DCC: variants seen among roughly 807,000 people sequenced by gnomAD.
The protein encoded by DCC is DCC netrin 1 receptor.
A neutral mutation model predicts 172.5 loss-of-function variants in DCC; 58 were observed. That is an observed-to-expected ratio of 0.34 (90% CI 0.27 to 0.42). The LOEUF is 0.42. Ranked by LOEUF, DCC falls within the 10% of genes least tolerant of loss-of-function variation. The probability of loss-of-function intolerance (pLI) is 1.00; values close to 1 mark genes in which losing one functional copy is unlikely to be tolerated. For synonymous variants in DCC, 709 were observed against 644.5 expected (o/e 1.10, Z -1.52); for missense variants, 1,740 against 1,791.0 (o/e 0.97, Z 0.51).
At chr18:53,123,193 A>C (rs2043506889) in intron 7 of DCC, among the ~76,000 whole-genome samples, 1 of 152,074 alleles carries the variant, frequency 6.6e-6, no homozygotes, top group Admixed American at 6.6e-5. Flanking sequence ...GGTACTAGGA[A>C]AATATGTAAC....
At chr18:53,023,613 G>A (rs1415318430) in intron 5 of DCC, among the ~76,000 whole-genome samples, 5 of 151,892 alleles carry the variant, frequency 3.3e-5, no homozygotes, top group African/African-American at 7.2e-5. Flanking sequence ...GGACCCTGTC[G>A]CCAGGCAAAA....
chr18:53,498,082 C>G (rs1351081069), intron 26 of DCC, among the ~76,000 whole-genome samples: 1 of 152,206 alleles, frequency 6.6e-6, no homozygotes, highest in Non-Finnish European at 1.5e-5. Flanking sequence ...CCTCTAACCC[C>G]TTCTGAATAT....
chr18:53,285,984 A>C (rs927875705), intron 12 of DCC, among the ~76,000 whole-genome samples: 1 of 152,180 alleles, frequency 6.6e-6, no homozygotes, highest in African/African-American at 2.4e-5. Flanking sequence ...GGCTGCATTT[A>C]CCTAATGCCT....
At chr18:52,353,573 G>T (rs34991847) in intron 1 of DCC, among the ~76,000 whole-genome samples, 35,346 of 152,238 alleles carry the variant, frequency 0.23, 4,791 homozygotes, top group Non-Finnish European at 0.31. Flanking sequence ...GTGCTCATTT[G>T]CCTGAGCCTC....
At chr18:52,506,451 G>A (rs1050213755) in intron 1 of DCC, among the ~76,000 whole-genome samples, 8 of 151,982 alleles carry the variant, frequency 5.3e-5, no homozygotes, top group African/African-American at 1.2e-4. Flanking sequence ...CACAAACACC[G>A]TTTAAAATGC....
At chr18:52,762,124 T>C (rs907059734) in intron 2 of DCC, among the ~76,000 whole-genome samples, 1 of 152,072 alleles carries the variant, frequency 6.6e-6, no homozygotes, top group Admixed American at 6.5e-5. Context: ...TTTCTCAGAG[T>C]AGCATGTCTA....
At chr18:53,501,181 G>A (rs2144462352) in intron 27 of DCC, among the ~76,000 whole-genome samples, 1 of 152,254 alleles carries the variant, frequency 6.6e-6, no homozygotes, top group East Asian at 1.9e-4. Flanking sequence ...AATCTTTAAT[G>A]CACCTGCCTA....
At chr18:53,118,134 A>G (rs1057493667) in intron 7 of DCC, among the ~76,000 whole-genome samples, 4 of 151,772 alleles carry the variant, frequency 2.6e-5, no homozygotes, top group African/African-American at 4.8e-5. Flanking sequence ...TAGTAGAACC[A>G]TATTATGTGT....
intron 9 of DCC, among the ~76,000 whole-genome samples, chr18:53,200,489 T>G (rs1035878750): frequency 6.6e-6 from 1 of 152,166 alleles, no homozygotes; most frequent in African/African-American, 2.4e-5. Context: ...CATATCCTTG[T>G]GGAAAAGACA....
At chr18:53,067,063 C>T (rs1240083605) in intron 7 of DCC, among the ~76,000 whole-genome samples, 1 of 152,148 alleles carries the variant, frequency 6.6e-6, no homozygotes, top group Non-Finnish European at 1.5e-5. Flanking sequence ...CCAGGCCCCA[C>T]CTCCAACACT....
chr18:52,567,491 C>T (rs1231361430), intron 1 of DCC, among the ~76,000 whole-genome samples: 2 of 152,114 alleles, frequency 1.3e-5, no homozygotes, highest in Non-Finnish European at 2.9e-5. Context: ...TTAGCCTCTA[C>T]TCAACTTCTC....
intron 1 of DCC, among the ~76,000 whole-genome samples, chr18:52,348,800 G>T (rs755028055): frequency 2.6e-5 from 4 of 152,132 alleles, no homozygotes; most frequent in African/African-American, 9.7e-5. Flanking sequence ...TTCCCAAAAT[G>T]TACACTGATT....
chr18:52,650,335 A>T (rs2035106960), intron 1 of DCC, among the ~76,000 whole-genome samples: 1 of 152,108 alleles, frequency 6.6e-6, no homozygotes, highest in African/African-American at 2.4e-5. Flanking sequence ...TAGGCACTGG[A>T]GACTCAGAAA....
At chr18:52,549,774 G>A (rs1177181468) in intron 1 of DCC, among the ~76,000 whole-genome samples, 1 of 151,832 alleles carries the variant, frequency 6.6e-6, no homozygotes, top group Non-Finnish European at 1.5e-5. Context: ...TGATTTGTAT[G>A]GCTAACATTT....
chr18:52,668,880 T>C (rs755438998), intron 1 of DCC, among the ~76,000 whole-genome samples: 2 of 152,242 alleles, frequency 1.3e-5, no homozygotes, highest in African/African-American at 2.4e-5. Flanking sequence ...TAGACATGCA[T>C]GCCTTGTGGT....
chr18:52,781,658 A>G (rs2037547016), intron 2 of DCC, among the ~76,000 whole-genome samples: 1 of 152,096 alleles, frequency 6.6e-6, no homozygotes, highest in Non-Finnish European at 1.5e-5. Flanking sequence ...ATCATTTTTC[A>G]AAACAGCATG....
chr18:53,334,395 T>C (rs1160367076), intron 14 of DCC, among the ~76,000 whole-genome samples: 1 of 152,218 alleles, frequency 6.6e-6, no homozygotes, highest in African/African-American at 2.4e-5. Context: ...TTTTCTGTTT[T>C]TGTAATTGTT....
At chr18:52,385,797 T>A (rs886886177) in intron 1 of DCC, among the ~76,000 whole-genome samples, 8 of 152,122 alleles carry the variant, frequency 5.3e-5, no homozygotes, top group South Asian at 2.1e-4. Context: ...TAAGGTTTTT[T>A]AAAAAATATT....
intron 1 of DCC, among the ~76,000 whole-genome samples, chr18:52,441,319 A>G (rs1430896699): frequency 1.3e-5 from 2 of 152,198 alleles, no homozygotes; most frequent in African/African-American, 4.8e-5. Flanking sequence ...ATTAGAAGTG[A>G]GAAATGTTTA....
Sources: gnomAD v4.1 joint callset for allele counts (sites outside exome capture counted in the v4.1 genomes callset) on GRCh38, gnomAD v4.1.1 for gene constraint, MANE v1.5 for transcripts, NCBI Gene and HGNC (gene_info 2026-07-23, HGNC 2026-07-21) for gene names.